The following MYO3A variants were observed in gnomAD, a reference collection of about 807,000 sequenced individuals.
MYO3A encodes the protein myosin-IIIa.
A neutral mutation model predicts 192.7 loss-of-function variants in MYO3A; 180 were observed. The observed-to-expected ratio is 0.93, with a 90% CI of 0.83 to 1.06. The LOEUF (loss-of-function observed/expected upper bound fraction) is 1.06. Ranked by LOEUF, MYO3A falls within the 50% of genes least tolerant of loss-of-function variation. MYO3A has a pLI of 0.00. For missense variants in MYO3A, 1,896 were observed against 1,905.0 expected (o/e 1.00, Z 0.09); for synonymous variants, 628 against 645.3 (o/e 0.97, Z 0.41).
chr10:26,056,146 T>C (rs1834096696), intron 10 of MYO3A, among the ~76,000 whole-genome samples: 2 of 152,126 alleles, frequency 1.3e-5, no homozygotes, highest in Admixed American at 1.3e-4. Flanking sequence ...GAGATGGGAA[T>C]TCTGAGAAGG....
chr10:25,977,147 G>C (rs947605568), intron 4 of MYO3A, among the ~76,000 whole-genome samples: 8 of 152,144 alleles, frequency 5.3e-5, no homozygotes, highest in African/African-American at 1.9e-4. Flanking sequence ...CATATCTGGA[G>C]GTTCTTTAGG....
intron 10 of MYO3A, among the ~76,000 whole-genome samples, chr10:26,045,368 A>AGATAGATG (rs1843579499): frequency 4.9e-5 from 2 of 40,746 alleles, no homozygotes. Context: ...GGGTGGCATT[A>AGATAGATG]GATAGATAGA....
chr10:26,180,808 T>G (rs1435098093), intron 31 of MYO3A, among the ~76,000 whole-genome samples: 2 of 152,066 alleles, frequency 1.3e-5, no homozygotes, highest in African/African-American at 2.4e-5. Flanking sequence ...ACATTGTGTT[T>G]CTGAATTGAA....
At chr10:25,956,381 A>G (rs1837537860) in intron 4 of MYO3A, among the ~76,000 whole-genome samples, 1 of 149,812 alleles carries the variant, frequency 6.7e-6, no homozygotes, top group Admixed American at 6.7e-5. Flanking sequence ...CCCAGGCTGG[A>G]GTGCAGTGGC....
At chr10:25,976,749 G>A (rs1026742949) in intron 4 of MYO3A, among the ~76,000 whole-genome samples, 2 of 151,968 alleles carry the variant, frequency 1.3e-5, no homozygotes, top group African/African-American at 4.8e-5. Context: ...GTCTATTTTA[G>A]CATTGTGTTG....
chr10:26,002,846 C>T (rs191725863), intron 6 of MYO3A, among the ~76,000 whole-genome samples: 75 of 152,162 alleles, frequency 4.9e-4, no homozygotes, highest in African/African-American at 1.8e-3. Context: ...TTCTGCTTGC[C>T]CAAGTTTTCC....
At chr10:25,981,508 G>T (rs555744294) in intron 4 of MYO3A, among the ~76,000 whole-genome samples, 5 of 152,172 alleles carry the variant, frequency 3.3e-5, no homozygotes, top group African/African-American at 9.6e-5. Flanking sequence ...CAAGCCACAG[G>T]GTTGGAGGAA....
intron 4 of MYO3A, among the ~76,000 whole-genome samples, chr10:25,993,909 T>C (rs951876714): frequency 6.6e-6 from 1 of 152,246 alleles, no homozygotes; most frequent in Non-Finnish European, 1.5e-5. Flanking sequence ...CTTTTACATT[T>C]GCTGAGGAGT....
At chr10:26,147,701 G>T in intron 23 of MYO3A, 142 bp downstream of exon 23, 1 of 1,241,416 alleles carries the variant, frequency 8.1e-7, no homozygotes, top group Non-Finnish European at 1.1e-6. Flanking sequence ...AATATCCTCT[G>T]CCCCAGATCA....
chr10:26,094,646 G>A (rs965717898), intron 15 of MYO3A, among the ~76,000 whole-genome samples: 2 of 151,994 alleles, frequency 1.3e-5, no homozygotes, highest in African/African-American at 4.8e-5. Flanking sequence ...GGATGGTCTC[G>A]ATCTCCTGAC....
At chr10:26,167,192 T>C (rs935807543) in intron 27 of MYO3A, among the ~76,000 whole-genome samples, 2 of 152,154 alleles carry the variant, frequency 1.3e-5, no homozygotes, top group African/African-American at 4.8e-5. Flanking sequence ...CAAACTCCCA[T>C]ATTTGCAAAG....
intron 18 of MYO3A, among the ~76,000 whole-genome samples, chr10:26,121,901 C>G (rs1838885411): frequency 1.3e-5 from 2 of 152,158 alleles, no homozygotes; most frequent in Admixed American, 1.3e-4. Context: ...CCCAGCATCC[C>G]TATAAATGCT....
chr10:26,145,781 T>G (rs907814161), intron 22 of MYO3A, among the ~76,000 whole-genome samples: 3 of 152,214 alleles, frequency 2.0e-5, no homozygotes, highest in African/African-American at 7.2e-5. Flanking sequence ...GCTGAAGAGG[T>G]TAAAAGAAAA....
At chr10:26,198,133 T>C (rs1486513874) in intron 32 of MYO3A, among the ~76,000 whole-genome samples, 1 of 152,242 alleles carries the variant, frequency 6.6e-6, no homozygotes, top group Non-Finnish European at 1.5e-5. Flanking sequence ...TTTTGCTATT[T>C]TTATAGTTTT....
intron 14 of MYO3A, among the ~76,000 whole-genome samples, chr10:26,084,199 T>G (rs1836159728): frequency 6.6e-6 from 1 of 152,246 alleles, no homozygotes. Flanking sequence ...TTGAGATGAT[T>G]ATGTGGTTTT....
chr10:25,970,534 T>TA (rs1450128492), intron 4 of MYO3A, among the ~76,000 whole-genome samples: 1 of 151,322 alleles, frequency 6.6e-6, no homozygotes, highest in Admixed American at 6.6e-5. Context: ...AAGAAGTTAA[T>TA]AAAATTGAAG....
intron 10 of MYO3A, among the ~76,000 whole-genome samples, chr10:26,034,557 G>A (rs952980544): frequency 6.6e-6 from 1 of 152,156 alleles, no homozygotes; most frequent in African/African-American, 2.4e-5. Context: ...CCTAGAGTTT[G>A]CTTTTATTTA....
chr10:25,952,798 C>T (rs1564399605), intron 3 of MYO3A, among the ~76,000 whole-genome samples: 1 of 150,876 alleles, frequency 6.6e-6, no homozygotes, highest in Non-Finnish European at 1.5e-5. Flanking sequence ...GGCAAAGTTC[C>T]TTATTGTGAA....
chr10:26,046,812 G>A (rs72795811), intron 10 of MYO3A, among the ~76,000 whole-genome samples: 24,693 of 152,144 alleles, frequency 0.16, 2,301 homozygotes, highest in Non-Finnish European at 0.21. Flanking sequence ...ATGATTCTCT[G>A]AAGTTCACGT....
Sources: allele counts gnomAD v4.1 joint callset (sites outside exome capture counted in the v4.1 genomes callset), GRCh38; gene constraint gnomAD v4.1.1; transcripts MANE v1.5; gene names NCBI Gene and HGNC (gene_info 2026-07-23, HGNC 2026-07-21).